MATR3: variants seen among roughly 807,000 people sequenced by gnomAD.
The protein encoded by MATR3 is matrin 3.
Under a neutral mutation model 85.5 loss-of-function variants are expected in MATR3, and 4 were observed. That is an observed-to-expected ratio of 0.05 (90% CI 0.02 to 0.11). MATR3 has a LOEUF of 0.11. Ranked by LOEUF, MATR3 falls within the 10% of genes least tolerant of loss-of-function variation. The probability of loss-of-function intolerance (pLI) is 1.00; values close to 1 mark genes in which losing one functional copy is unlikely to be tolerated. For synonymous variants in MATR3, 336 were observed against 343.1 expected, an observed-to-expected ratio of 0.98 and a Z score of 0.23; for missense variants, 685 against 1,016.1, an observed-to-expected ratio of 0.67 and a Z score of 4.43.
At chr5:139,281,638 T>A (rs1386674156) in intron 3 of MATR3, among the ~76,000 whole-genome samples, 2 of 152,036 alleles carry the variant, frequency 1.3e-5, no homozygotes, top group African/African-American at 4.8e-5. Flanking sequence ...AGGTGTGAGC[T>A]ACCACACCCA....
At chr5:139,323,882 A>T (rs1056803081) in intron 12 of MATR3, among the ~76,000 whole-genome samples, 8 of 152,002 alleles carry the variant, frequency 5.3e-5, no homozygotes, top group Admixed American at 6.6e-5. Flanking sequence ...CAAGAGCAAG[A>T]CTGTCTCAAG....
At position 139,317,591 on chromosome 5, in the gene MATR3, G is replaced by A. The variant is rs369464069; in HGVS notation, c.1183-5G>A. On this transcript the variant is annotated splice_region_variant and splice_polypyrimidine_tract_variant and intron_variant, in intron 6 of 14. Coordinates refer to ENST00000394805, the MANE Select transcript of MATR3 (RefSeq NM_018834.6). Reference sequence around the variant, plus strand: ...ATTGCTTGGTTTTTTTCCCCTAATGGATAGGAAACTAGCAGAGTTGTTCAC... The same window carrying A: ...ATTGCTTGGTTTTTTTCCCCTAATGAATAGGAAACTAGCAGAGTTGTTCAC... The A allele has an allele frequency of 1.7e-4, 273 of 1,611,568 alleles. No individual in the cohort carries two copies. In the Middle Eastern group the frequency reaches 1.8e-3, roughly 11 times the overall value.
At chr5:139,322,134 A>G (rs1168371212) in intron 10 of MATR3, 105 bp downstream of exon 10, 1 of 1,309,266 alleles carries the variant, frequency 7.6e-7, no homozygotes, top group Admixed American at 1.9e-5. Flanking sequence ...AGGATTATTG[A>G]AACCTATTGA....
intron 8 of MATR3, 105 bp downstream of exon 8, chr5:139,319,138 A>G: frequency 7.3e-7 from 1 of 1,374,458 alleles, no homozygotes; most frequent in East Asian, 2.4e-5. Flanking sequence ...GTGGTGGCTC[A>G]CGCCTGTAAT....
chr5:139,297,474 A>G (rs1480450252), intron 1 of MATR3, among the ~76,000 whole-genome samples: 2 of 152,210 alleles, frequency 1.3e-5, no homozygotes, highest in Middle Eastern at 3.2e-3. Flanking sequence ...AAACAAGCCT[A>G]TGGGTTGAGT....
At chr5:139,284,145 A>G (rs956248427) in intron 3 of MATR3, among the ~76,000 whole-genome samples, 2 of 152,220 alleles carry the variant, frequency 1.3e-5, no homozygotes, top group African/African-American at 4.8e-5. Context: ...GAGTAAGAAT[A>G]TCATGCTTTT....
chr5:139,295,339 T>G (rs1754089038), intron 1 of MATR3, among the ~76,000 whole-genome samples: 1 of 152,194 alleles, frequency 6.6e-6, no homozygotes, highest in Admixed American at 6.5e-5. Context: ...TAAACAACAT[T>G]AAAATACTGC....
intron 2 of MATR3, chr5:139,312,221 C>A (rs1443227008): frequency 6.6e-6 from 1 of 152,268 alleles, no homozygotes; most frequent in African/African-American, 2.4e-5. Flanking sequence ...ATTGCACTCT[C>A]TACCACCCAG....
Position 139,315,690 on chromosome 5 carries a change from T to C in MATR3, c.975-7T>C. The C allele has an allele frequency of 1.2e-6, 2 of 1,607,398 alleles. No individual in the cohort carries two copies. The highest frequency in any genetic ancestry group is 1.7e-6 in the Non-Finnish European group (2 of 1,174,082). On this transcript the variant is annotated splice_region_variant and splice_polypyrimidine_tract_variant and intron_variant, in intron 3 of 14. Coordinates refer to ENST00000394805, the MANE Select transcript of MATR3 (RefSeq NM_018834.6). Reference sequence around the variant, plus strand: ...ATTTTAAAGTTAATTTTCTGGTCTTTTTAAAGCTACCCAGAATGGAATCCT... The same window carrying C: ...ATTTTAAAGTTAATTTTCTGGTCTTCTTAAAGCTACCCAGAATGGAATCCT...
intron 1 of MATR3, among the ~76,000 whole-genome samples, chr5:139,296,248 A>G (rs1754143893): frequency 6.6e-6 from 1 of 152,210 alleles, no homozygotes; most frequent in Non-Finnish European, 1.5e-5. Context: ...TGAAAGTGGA[A>G]ATCTATACAG....
At chr5:139,288,881 C>T (rs1177474872), upstream of MATR3, among the ~76,000 whole-genome samples, 1 of 152,184 alleles carries the variant, frequency 6.6e-6, no homozygotes, top group African/African-American at 2.4e-5. Flanking sequence ...CCTCATGATC[C>T]ACCCGCCTCA....
chr5:139,290,872 T>C (rs2151906065), upstream of MATR3, among the ~76,000 whole-genome samples: 1 of 152,342 alleles, frequency 6.6e-6, no homozygotes, highest in East Asian at 1.9e-4. Flanking sequence ...TTAAAATTCA[T>C]GTGTCCCCAA....
At chr5:139,280,947 AT>A in intron 3 of MATR3, among the ~76,000 whole-genome samples, 1 of 152,038 alleles carries the variant, frequency 6.6e-6, no homozygotes, top group South Asian at 2.1e-4. Flanking sequence ...TCACCTACTT[AT>A]CCCTGTCGAT....
At chr5:139,322,063 C>A in intron 10 of MATR3, 34 bp downstream of exon 10, 1 of 1,607,694 alleles carries the variant, frequency 6.2e-7, no homozygotes, top group Non-Finnish European at 8.5e-7. Context: ...CATTTAACAG[C>A]TTGTTTTTAC....
At chr5:139,298,682 A>T (rs1258651351) in intron 1 of MATR3, among the ~76,000 whole-genome samples, 6 of 152,224 alleles carry the variant, frequency 3.9e-5, no homozygotes, top group African/African-American at 1.4e-4. Context: ...AGATTTTTAG[A>T]TACGTGACTG....
upstream of MATR3, chr5:139,293,702 C>T (rs1008521036): frequency 4.5e-5 from 15 of 334,272 alleles, no homozygotes; most frequent in African/African-American, 3.0e-4. Flanking sequence ...CAGCCGCTGC[C>T]GCCGCTTCTC....
At chr5:139,319,860 CTTTTTTTTTTTTTT>C (rs58123057) in intron 9 of MATR3, among the ~76,000 whole-genome samples, 28 of 44,162 alleles carry the variant, frequency 6.3e-4, no homozygotes, top group Non-Finnish European at 9.8e-4. Flanking sequence ...AAAAAATTTG[CTTTTTTTTTTTTTT>C]TTTTTTTTTT....
upstream of MATR3, among the ~76,000 whole-genome samples, chr5:139,289,062 G>T (rs532565314): frequency 6.6e-6 from 1 of 151,892 alleles, no homozygotes; most frequent in Non-Finnish European, 1.5e-5. Flanking sequence ...GATTACAGGC[G>T]TGAGCCACCA....
At chr5:139,296,777 T>G (rs541282365) in intron 1 of MATR3, among the ~76,000 whole-genome samples, 1 of 152,342 alleles carries the variant, frequency 6.6e-6, no homozygotes, top group African/African-American at 2.4e-5. Context: ...AATTGAATAA[T>G]GGTTAGATGT....
Sources: gnomAD v4.1 joint callset for allele counts (sites outside exome capture counted in the v4.1 genomes callset) on GRCh38, gnomAD v4.1.1 for gene constraint, MANE v1.5 for transcripts, NCBI Gene and HGNC (gene_info 2026-07-23, HGNC 2026-07-21) for gene names.